GABRB2: variants seen among roughly 807,000 people sequenced by gnomAD.
The protein encoded by GABRB2 is gamma-aminobutyric acid receptor subunit beta-2.
Under a neutral mutation model 54.7 loss-of-function variants are expected in GABRB2, and 16 were observed. The ratio of observed to expected loss-of-function variants is 0.29; its 90% confidence interval spans 0.20 to 0.44. GABRB2 has a LOEUF of 0.44. GABRB2 is among the 20% of genes least tolerant of loss of function. The pLI is 1.00. For missense variants in GABRB2, 355 were observed against 644.0 expected (o/e 0.55, Z 4.86); for synonymous variants, 244 against 233.8 (o/e 1.04, Z -0.40).
intron 3 of GABRB2, among the ~76,000 whole-genome samples, chr5:161,506,007 C>T (rs192321523): frequency 1.3e-5 from 2 of 151,980 alleles, no homozygotes; most frequent in African/African-American, 2.4e-5. Context: ...GTAAGACTGT[C>T]TTTTTTCATA....
chr5:161,307,660 G>GA (rs1176076867), intron 9 of GABRB2, among the ~76,000 whole-genome samples: 1 of 151,896 alleles, frequency 6.6e-6, no homozygotes, highest in East Asian at 1.9e-4. Context: ...TTAAGACTGA[G>GA]AAAAAAATCA....
Position 161,294,147 on chromosome 5 carries a change from G to T in GABRB2, c.1473C>A (p.Ser491=), listed in dbSNP as rs1477247595. The change falls in exon 10 of 10, where the codon TCC becomes TCA. Residue 491 remains serine (S), a synonymous_variant. Coordinates refer to ENST00000393959, the MANE Select transcript of GABRB2 (RefSeq NM_001371727.1). ...AAAAAACCACTGGGAAGAATATGCGGGACCACCGATCTATGGCATTCACAT... is the reference window on the plus strand; with the variant it reads ...AAAAAACCACTGGGAAGAATATGCGTGACCACCGATCTATGGCATTCACAT... The part of the protein sequence containing the change: ...LTDVNAIDRW[S]RIFFPVVFSF... 2 of 1,613,878 alleles carry T rather than the reference G, an allele frequency of 1.2e-6. No homozygotes were observed. Among genetic ancestry groups the T allele is most frequent in the Non-Finnish European group, 1.7e-6 (2 of 1,179,978 alleles).
At position 161,288,680 on chromosome 5, in the gene GABRB2, G is replaced by A. The variant is rs1176229405; in HGVS notation, c.*5401C>T. On this transcript the variant is annotated 3_prime_UTR_variant, in exon 10 of 10. Coordinates refer to ENST00000393959, the MANE Select transcript of GABRB2 (RefSeq NM_001371727.1). ...TGTGTTTTGCATTTTTCTAGCCATC[G>A]GAAAATGTGCATTATGTGCATATTA... 6 of 152,460 alleles carry A rather than the reference G, an allele frequency of 3.9e-5. No individual in the cohort carries two copies. Among genetic ancestry groups the A allele is most frequent in the East Asian group, 3.8e-4 (2 of 5,196 alleles). The allele number at this position is 152,460 out of a possible 1,614,324, so 9.4% of individuals were successfully genotyped here. A position where few individuals can be genotyped will look rare whatever the true frequency, so the allele number is the denominator to read the frequency against.
chr5:161,400,398 C>A (rs775630985), intron 5 of GABRB2, among the ~76,000 whole-genome samples: 1 of 152,078 alleles, frequency 6.6e-6, no homozygotes, highest in Non-Finnish European at 1.5e-5. Flanking sequence ...TTTCCTGAGC[C>A]TAAAAGTAAA....
chr5:161,306,694 A>G (rs1250569105), intron 9 of GABRB2, among the ~76,000 whole-genome samples: 1 of 152,030 alleles, frequency 6.6e-6, no homozygotes, highest in Non-Finnish European at 1.5e-5. Context: ...GATGAGTTGG[A>G]TGGGGAGGGT....
At chr5:161,456,251 C>T (rs1035180156) in intron 4 of GABRB2, among the ~76,000 whole-genome samples, 1 of 152,108 alleles carries the variant, frequency 6.6e-6, no homozygotes, top group Non-Finnish European at 1.5e-5. Context: ...TTGCCACTGC[C>T]AAATTATTTA....
intron 9 of GABRB2, among the ~76,000 whole-genome samples, chr5:161,295,582 C>T (rs1431450331): frequency 2.0e-5 from 3 of 152,072 alleles, no homozygotes; most frequent in African/African-American, 7.2e-5. Context: ...AGGCATATAA[C>T]CAAACGCTTA....
At chr5:161,535,657 T>C (rs955587261) in intron 3 of GABRB2, among the ~76,000 whole-genome samples, 1 of 152,204 alleles carries the variant, frequency 6.6e-6, no homozygotes, top group African/African-American at 2.4e-5. Context: ...AGGCTAATAG[T>C]GGCTGTCTCA....
At chr5:161,541,166 T>C (rs922674449) in intron 3 of GABRB2, among the ~76,000 whole-genome samples, 17 of 145,988 alleles carry the variant, frequency 1.2e-4, no homozygotes, top group Non-Finnish European at 2.1e-4. Context: ...TCAGTAAGAA[T>C]CTTTTTTTTT....
intron 5 of GABRB2, among the ~76,000 whole-genome samples, chr5:161,380,409 T>C (rs772401923): frequency 3.3e-5 from 5 of 152,176 alleles, no homozygotes; most frequent in Non-Finnish European, 7.3e-5. Flanking sequence ...TTATGGACTT[T>C]ACAATTTTCT....
chr5:161,438,228 G>T (rs1757365659), intron 4 of GABRB2, among the ~76,000 whole-genome samples: 1 of 152,198 alleles, frequency 6.6e-6, no homozygotes, highest in South Asian at 2.1e-4. Context: ...TTGGGAGAAA[G>T]TAAGGGAAGA....
chr5:161,296,637 T>G (rs1218329875), intron 9 of GABRB2, among the ~76,000 whole-genome samples: 1 of 151,722 alleles, frequency 6.6e-6, no homozygotes, highest in Non-Finnish European at 1.5e-5. Context: ...AAAGTTCTAT[T>G]AGTTACATAA....
intron 3 of GABRB2, among the ~76,000 whole-genome samples, chr5:161,507,182 G>T (rs1759632006): frequency 6.6e-6 from 1 of 152,044 alleles, no homozygotes; most frequent in Admixed American, 6.6e-5. Flanking sequence ...GGAGGGAAAT[G>T]GGAGTCATGA....
At chr5:161,427,518 A>G (rs1757036998) in intron 4 of GABRB2, among the ~76,000 whole-genome samples, 1 of 152,164 alleles carries the variant, frequency 6.6e-6, no homozygotes, top group Admixed American at 6.6e-5. Flanking sequence ...GGGGTTCTGT[A>G]CGTTCAAGTT....
intron 5 of GABRB2, among the ~76,000 whole-genome samples, chr5:161,388,932 T>C (rs562329006): frequency 1.3e-5 from 2 of 152,136 alleles, no homozygotes; most frequent in African/African-American, 2.4e-5. Flanking sequence ...TTTTTTATAA[T>C]GAAATGTTAA....
intron 8 of GABRB2, chr5:161,326,869 C>A (rs1437759792): frequency 2.4e-5 from 11 of 453,574 alleles, no homozygotes; most frequent in Non-Finnish European, 2.9e-5. Flanking sequence ...GCAAATACCA[C>A]GGTGGTAAAA....
chr5:161,434,198 T>C (rs1757250050), intron 4 of GABRB2, among the ~76,000 whole-genome samples: 2 of 152,184 alleles, frequency 1.3e-5, no homozygotes, highest in African/African-American at 2.4e-5. Context: ...TAATATTATA[T>C]GGCTTACATT....
intron 3 of GABRB2, among the ~76,000 whole-genome samples, chr5:161,507,279 T>C: frequency 6.6e-6 from 1 of 152,168 alleles, no homozygotes; most frequent in East Asian, 1.9e-4. Flanking sequence ...ATTGGAAAAG[T>C]ATAAATAAAG....
chr5:161,360,094 T>C lies in GABRB2; in HGVS notation c.542-23325A>G, dbSNP rs988501990. On this transcript the variant is annotated intron_variant, in intron 5 of 9. Coordinates refer to ENST00000393959, the MANE Select transcript of GABRB2 (RefSeq NM_001371727.1). ...CGAGACTCCGTCTAAAAAAAAAAAA[T>C]TGTAAAAAGATTATGTATTTCATAG... 2.0e-4 allele frequency among the ~76,000 whole-genome samples: 27 copies of C among 133,916 alleles called. 1 individual carries two copies. Among genetic ancestry groups the C allele is most frequent in the Non-Finnish European group, 4.3e-4 (26 of 60,718 alleles). The allele number at this position is 133,916 out of a possible 152,430, so 87.9% of individuals were successfully genotyped here.
Sources: allele counts gnomAD v4.1 joint callset (sites outside exome capture counted in the v4.1 genomes callset), GRCh38; gene constraint gnomAD v4.1.1; transcripts MANE v1.5; gene names NCBI Gene and HGNC (gene_info 2026-07-23, HGNC 2026-07-21).